Variants in IREB2 observed in about 807,000 individuals in gnomAD.
IREB2 encodes iron-responsive element-binding protein 2.
A neutral mutation model predicts 118.8 loss-of-function variants in IREB2; 39 were observed. The observed-to-expected ratio is 0.33, with a 90% CI of 0.25 to 0.43. The LOEUF is 0.43. Ranked by LOEUF, IREB2 falls within the 20% of genes least tolerant of loss-of-function variation. The probability of loss-of-function intolerance (pLI) is 1.00; values close to 1 mark genes in which losing one functional copy is unlikely to be tolerated. For synonymous variants in IREB2, 372 were observed against 392.2 expected (o/e 0.95, Z 0.61); for missense variants, 900 against 1,147.3 (o/e 0.78, Z 3.11).
intron 2 of IREB2, among the ~76,000 whole-genome samples, chr15:78,443,175 CTAA>C (rs1182182005): frequency 2.0e-5 from 3 of 152,008 alleles, no homozygotes; most frequent in Admixed American, 6.5e-5. Context: ...TTAATAATAA[CTAA>C]TAATAAAATA....
At chr15:78,481,299 T>A (rs904531923) in intron 10 of IREB2, among the ~76,000 whole-genome samples, 1 of 151,948 alleles carries the variant, frequency 6.6e-6, no homozygotes, top group African/African-American at 2.4e-5. Flanking sequence ...ATTTCCTGGG[T>A]TGAAGTGATT....
chr15:78,469,490 C>T (rs1479852781), intron 5 of IREB2, among the ~76,000 whole-genome samples: 7 of 151,354 alleles, frequency 4.6e-5, no homozygotes, highest in Admixed American at 4.6e-4. Flanking sequence ...GAGGCTGAGG[C>T]GGGTGGATCA....
At chr15:78,472,091 G>A (rs1222951215) in intron 7 of IREB2, among the ~76,000 whole-genome samples, 167 bp downstream of exon 7, 1 of 152,228 alleles carries the variant, frequency 6.6e-6, no homozygotes, top group Non-Finnish European at 1.5e-5. Flanking sequence ...TGTGATCAGT[G>A]TTGTAAAAGA....
chr15:78,443,490 A>G (rs1200871789), intron 2 of IREB2, among the ~76,000 whole-genome samples: 1 of 152,024 alleles, frequency 6.6e-6, no homozygotes, highest in Non-Finnish European at 1.5e-5. Flanking sequence ...TTTTACTGCC[A>G]TTTTATCCTT....
At chr15:78,480,338 A>G (rs1353006744) in intron 10 of IREB2, 1 of 152,232 alleles carries the variant, frequency 6.6e-6, no homozygotes, top group Non-Finnish European at 1.5e-5. Context: ...AAGAATAAGA[A>G]CAATGGGAAA....
At chr15:78,440,158 T>TC (rs1351655443) in intron 2 of IREB2, among the ~76,000 whole-genome samples, 2 of 152,046 alleles carry the variant, frequency 1.3e-5, no homozygotes, top group Non-Finnish European at 2.9e-5. Context: ...CTTTTTTTTT[T>TC]CTTGTTTTTG....
intron 1 of IREB2, 133 bp downstream of exon 1, chr15:78,438,489 C>A: frequency 1.0e-6 from 1 of 1,002,780 alleles, no homozygotes. Flanking sequence ...GTGCTCCCCT[C>A]GGGGCCTGCC....
intron 2 of IREB2, among the ~76,000 whole-genome samples, chr15:78,451,346 T>C (rs2051022383): frequency 6.6e-6 from 1 of 151,628 alleles, no homozygotes; most frequent in Admixed American, 6.6e-5. Flanking sequence ...AGTGAAAAAC[T>C]GTTCTTTAAA....
intron 3 of IREB2, among the ~76,000 whole-genome samples, chr15:78,463,767 C>G (rs1437382435): frequency 6.6e-6 from 1 of 152,196 alleles, no homozygotes; most frequent in Non-Finnish European, 1.5e-5. Flanking sequence ...CAGCCTCAAC[C>G]TCCTGGGCTC....
rs532052182 is a variant in IREB2 at position 78,446,128 on chromosome 15, A to G, written c.106+6247A>G. The stretch of plus-strand genomic sequence containing the variant: ...TTTTGACTGCACTTGTCAGGAGTCT[A>G]TTGCCGGTCTGGTGATCTTGCTGGT... On this transcript the variant is annotated intron_variant, in intron 2 of 21. Coordinates refer to ENST00000258886, the MANE Select transcript of IREB2 (RefSeq NM_004136.4). Among the ~76,000 whole-genome samples, 25 of 152,238 alleles carry G rather than the reference A, an allele frequency of 1.6e-4. 1 individual carries two copies. Among genetic ancestry groups the G allele is most frequent in the African/African-American group, 5.3e-4 (22 of 41,534 alleles).
At chr15:78,440,572 G>A (rs2050829993) in intron 2 of IREB2, among the ~76,000 whole-genome samples, 1 of 152,036 alleles carries the variant, frequency 6.6e-6, no homozygotes, top group East Asian at 1.9e-4. Flanking sequence ...TTGCTGTGTT[G>A]CCCAGACTAG....
Position 78,476,326 on chromosome 15 carries a change from G to T in IREB2, c.1162G>T (p.Asp388Tyr). ...YGAILSFFPV[D>Y]NVTLKHLEHT... ...TGCTATCCTCAGCTTTTTCCCTGTT[G>T]ACAATGTGACATTAAAACATTTAGA... The change falls in exon 9 of 22, where the codon GAC becomes TAC. Residue 388 changes from aspartate to tyrosine, a missense_variant. Coordinates refer to ENST00000258886, the MANE Select transcript of IREB2 (RefSeq NM_004136.4). 1 of 1,590,966 alleles carries T rather than the reference G, an allele frequency of 6.3e-7. No individual in the cohort carries two copies. The highest frequency in any genetic ancestry group is 1.1e-5 in the South Asian group (1 of 88,300).
At chr15:78,469,343 G>A (rs2051336183) in intron 5 of IREB2, among the ~76,000 whole-genome samples, 1 of 151,976 alleles carries the variant, frequency 6.6e-6, no homozygotes, top group East Asian at 1.9e-4. Context: ...TTTCCCTGAG[G>A]CCCTGAGAAA....
At chr15:78,490,856 C>T in intron 18 of IREB2, 95 bp downstream of exon 18, 3 of 1,170,184 alleles carry the variant, frequency 2.6e-6, no homozygotes, top group Non-Finnish European at 3.7e-6. Flanking sequence ...CCAGTAAATA[C>T]ATGCTATCGT....
At chr15:78,469,071 C>T (rs1205097132) in intron 5 of IREB2, among the ~76,000 whole-genome samples, 1 of 152,092 alleles carries the variant, frequency 6.6e-6, no homozygotes, top group Non-Finnish European at 1.5e-5. Context: ...AATTTTGACT[C>T]CGAATTACAA....
intron 8 of IREB2, 27 bp from the exon 9 acceptor site, chr15:78,476,161 A>G (rs372279412): frequency 4.0e-6 from 6 of 1,498,146 alleles, no homozygotes; most frequent in South Asian, 2.7e-5. Flanking sequence ...GCAATTTTGT[A>G]TGTGTTTCTG....
intron 1 of IREB2, among the ~76,000 whole-genome samples, chr15:78,439,574 C>G (rs1448776506): frequency 1.3e-5 from 2 of 152,134 alleles, no homozygotes; most frequent in Non-Finnish European, 2.9e-5. Context: ...TTAAATTAAT[C>G]AAAATTAAAT....
Position 78,470,539 on chromosome 15 carries a change from A to G in IREB2, c.637A>G (p.Thr213Ala), listed in dbSNP as rs777876620. Reference sequence around the variant, plus strand: ...AGCTCTTCTTCCTTTTAGACCTGAAACAGTGTTAAAAAATCAAGAAGTAGA... The same window carrying G: ...AGCTCTTCTTCCTTTTAGACCTGAAGCAGTGTTAAAAAATCAAGAAGTAGA... Reference protein sequence around the residue: ...FHLQPVPEPETVLKNQEVEFG... With the variant: ...FHLQPVPEPEAVLKNQEVEFG... The change falls in exon 6 of 22, where the codon ACA (threonine) becomes GCA (alanine). Residue 213 changes from threonine (T) to alanine (A), a missense_variant. Thr to Ala is a moderately conservative substitution (Grantham distance 58). Transcript: ENST00000258886. 51 of 1,592,414 alleles carry G rather than the reference A, an allele frequency of 3.2e-5. No homozygotes were observed. The South Asian group carries it at 4.7e-4, about 15-fold the overall frequency.
chr15:78,498,725 ACAAT>A lies in IREB2; in HGVS notation c.*585_*588del, dbSNP rs1306696035. The A allele has an allele frequency of 6.6e-6, 1 of 152,498 alleles. No homozygotes were observed. The highest frequency in any genetic ancestry group is 2.4e-5 in the African/African-American group (1 of 41,444). The allele number at this position is 152,498 out of a possible 1,614,324, so 9.4% of individuals were successfully genotyped here. A position where few individuals can be genotyped will look rare whatever the true frequency, so the allele number is the denominator to read the frequency against. On this transcript the variant is annotated 3_prime_UTR_variant, in exon 22 of 22. Transcript: ENST00000258886. ...CAAGGGATGGAACCTGCCCCAGGTC[ACAAT>A]CATTCTGTCCAATCCAGCCAAGGTT...
Sources: gnomAD v4.1 joint callset for allele counts (sites outside exome capture counted in the v4.1 genomes callset) on GRCh38, gnomAD v4.1.1 for gene constraint, MANE v1.5 for transcripts, NCBI Gene and HGNC (gene_info 2026-07-23, HGNC 2026-07-21) for gene names.